Variants in GUK1 observed in about 807,000 individuals in gnomAD.
The protein encoded by GUK1 is guanylate kinase.
A neutral mutation model predicts 25.2 loss-of-function variants in GUK1; 18 were observed. That is an observed-to-expected ratio of 0.71 (90% CI 0.49 to 1.06). The LOEUF is 1.06. Ranked by LOEUF, GUK1 falls within the 50% of genes least tolerant of loss-of-function variation. The probability of loss-of-function intolerance (pLI) is 0.00; values close to 1 mark genes in which losing one functional copy is unlikely to be tolerated. For missense variants in GUK1, 261 were observed against 276.7 expected (o/e 0.94, Z 0.40); for synonymous variants, 105 against 117.6 (o/e 0.89, Z 0.69).
In GUK1 at chr1:228,148,692, G is replaced by A. The variant is rs368849741; in HGVS notation, c.589G>A (p.Ala197Thr). The A allele has an allele frequency of 3.1e-5, 49 of 1,602,358 alleles. No individual in the cohort carries two copies. Among genetic ancestry groups the A allele is most frequent in the African/African-American group, 5.3e-5 (4 of 74,858 alleles). ...AATCAAGAAAGCTCAAAGGACCGGC[G>A]CCTGAGGCTTGCTGTCTGTTCTCGG... The change falls in exon 9 of 9, where the codon GCC becomes ACC. Residue 197 changes from alanine (A) to threonine (T), a missense_variant. Coordinates refer to ENST00000312726, the MANE Select transcript of GUK1 (RefSeq NM_000858.7).
In GUK1 at chr1:228,147,703, A is replaced by G; in HGVS notation, c.475+4A>G. On this transcript the variant is annotated splice_donor_region_variant and intron_variant, in intron 7 of 8. Transcript: ENST00000312726. ...GCCCAGGCCGACATGGAGAGCAGTGAGTGTGCCGTGGGATCACCAGGGAAT... is the reference window on the plus strand; with the variant it reads ...GCCCAGGCCGACATGGAGAGCAGTGGGTGTGCCGTGGGATCACCAGGGAAT... The G allele has an allele frequency of 6.2e-7, 1 of 1,612,106 alleles. No individual in the cohort carries two copies. Among genetic ancestry groups the G allele is most frequent in the South Asian group, 1.1e-5 (1 of 91,044 alleles).
chr1:228,144,264 T>C (rs560072541), intron 2 of GUK1: 2 of 152,356 alleles, frequency 1.3e-5, no homozygotes, highest in African/African-American at 4.8e-5. Flanking sequence ...CATCCTCAGG[T>C]CCTTCCCACT....
chr1:228,143,641 G>A (rs1302626267), intron 2 of GUK1, among the ~76,000 whole-genome samples: 1 of 152,182 alleles, frequency 6.6e-6, no homozygotes, highest in East Asian at 1.9e-4. Flanking sequence ...GAGGTTGCAG[G>A]GCTCGCTGGC....
At position 228,148,574 on chromosome 1, in the gene GUK1, G is replaced by A. The variant is rs1197958014; in HGVS notation, c.562-91G>A. 4 of 1,381,422 alleles carry A rather than the reference G, an allele frequency of 2.9e-6. No homozygotes were observed. In the Admixed American group the frequency reaches 5.4e-5, roughly 19 times the overall value. 85.6% of individuals were successfully genotyped at this position (1,381,422 alleles called of 1,614,324 possible). On this transcript the variant is annotated intron_variant, in intron 8 of 8. Transcript: ENST00000312726. ...GACAGTCCTACCCAAGCACTGGCATGAGACACCGAGGTCCACGGTGGAGGG... is the reference window on the plus strand; with the variant it reads ...GACAGTCCTACCCAAGCACTGGCATAAGACACCGAGGTCCACGGTGGAGGG...
chr1:228,141,734 G>C (rs746066794), intron 2 of GUK1: 3 of 1,323,862 alleles, frequency 2.3e-6, no homozygotes, highest in Non-Finnish European at 1.0e-6. Context: ...TCCAGGGAGC[G>C]TTCTGGCAGA....
rs56285667 is a variant in GUK1, at chr1:228,142,480, C to T, written c.-3+1192C>T. 7.8e-3 allele frequency among the ~76,000 whole-genome samples: 1,187 copies of T among 152,058 alleles called. 11 individuals are homozygous for T. The highest frequency in any genetic ancestry group is 0.024 in the African/African-American group (1,006 of 41,494). ...GGCCCAGCCTCACCTCAATAGCTTA[C>T]TGCTCCCTCAGGAGGGAGGAGGGGA... On this transcript the variant is annotated intron_variant, in intron 2 of 8. Transcript: ENST00000312726.
chr1:228,140,468 C>A, intron 1 of GUK1, 105 bp downstream of exon 1: 3 of 796,888 alleles, frequency 3.8e-6, no homozygotes, highest in Non-Finnish European at 5.6e-6. Context: ...CTCCTCCTAG[C>A]CGAGACGCCC....
Position 228,141,168 on chromosome 1 carries a change from C to G in GUK1, c.-123C>G. On this transcript the variant is annotated 5_prime_UTR_variant, in exon 2 of 9. Transcript: ENST00000312726. The stretch of plus-strand genomic sequence containing the variant: ...TGGGGTTGCTGTCGAGGACCCTGTG[C>G]AAGACTCGGCCGGTTTTTCTTTCTC... 2.0e-6 allele frequency: 2 copies of G among 985,410 alleles called. No individual in the cohort carries two copies. Among genetic ancestry groups the G allele is most frequent in the Non-Finnish European group, 2.4e-6 (2 of 829,868 alleles). The allele number at this position is 985,410 out of a possible 1,614,324, so 61.0% of individuals were successfully genotyped here.
intron 2 of GUK1, among the ~76,000 whole-genome samples, chr1:228,144,127 AC>A (rs1220835733): frequency 6.6e-6 from 1 of 152,060 alleles, no homozygotes; most frequent in Non-Finnish European, 1.5e-5. Flanking sequence ...AGGTTTGTGC[AC>A]ACATCCTGCA....
intron 4 of GUK1, 45 bp from the exon 4 acceptor site, chr1:228,146,797 G>A (rs920895782): frequency 1.5e-6 from 2 of 1,341,516 alleles, no homozygotes; most frequent in Non-Finnish European, 2.1e-6. Context: ...GGGCACCCTG[G>A]TGCAGGTCCA....
upstream of GUK1, chr1:228,140,275 G>C (rs780533054): frequency 8.5e-6 from 13 of 1,528,318 alleles, no homozygotes; most frequent in Non-Finnish European, 1.1e-5. Context: ...TGTCACGTAG[G>C]TTCAGTGGGC....
At chr1:228,146,443 C>T in intron 4 of GUK1, 2 of 431,596 alleles carry the variant, frequency 4.6e-6, no homozygotes, top group Non-Finnish European at 8.4e-6. Context: ...GACCCCCTTC[C>T]CAACAGCACC....
Position 228,146,920 on chromosome 1 carries a change from G to C in GUK1, c.233G>C (p.Gly78Ala). The C allele has an allele frequency of 6.2e-7, 1 of 1,613,252 alleles. No homozygotes were observed. Among genetic ancestry groups the C allele is most frequent in the Admixed American group, 1.7e-5 (1 of 60,024 alleles). The change falls in exon 5 of 9, where the codon GGG becomes GCG. Residue 78 changes from glycine to alanine, a missense_variant. Gly to Ala is a moderately conservative substitution (Grantham distance 60). Transcript: ENST00000312726. ...TTCATCGAGCATGCCGAGTTCTCGG[G>C]GAACCTGTATGGCACGAGGTGGGCC...
intron 5 of GUK1, 98 bp downstream of exon 4, chr1:228,147,036 C>A: frequency 1.2e-6 from 1 of 841,896 alleles, no homozygotes; most frequent in Non-Finnish European, 2.1e-6. Context: ...CACCACCCAC[C>A]CCATGGTTAT....
chr1:228,147,567 G>A, intron 6 of GUK1, 23 bp downstream of exon 5: 1 of 1,613,108 alleles, frequency 6.2e-7, no homozygotes, highest in Non-Finnish European at 8.5e-7. Context: ...CAGGGTTGGG[G>A]GCTGGGGGCC....
At chr1:228,140,149 G>C (rs2033960921), upstream of GUK1, 1 of 638,958 alleles carries the variant, frequency 1.6e-6, no homozygotes, top group African/African-American at 1.9e-5. Context: ...CGGGGCTAGC[G>C]AGGCACTGAG....
rs1160806223 is a variant in GUK1 at position 228,140,377 on chromosome 1, G to A, written c.-168+14G>A. ...CCCCACCGGACGGTGAGTACGACAA[G>A]CGCGATCGCGAGGGTGACTCGGGTC... On this transcript the variant is annotated intron_variant, in intron 1 of 8. Transcript: ENST00000312726. The A allele has an allele frequency of 1.3e-6, 2 of 1,504,504 alleles. No homozygotes were observed. The highest frequency in any genetic ancestry group is 8.8e-7 in the Non-Finnish European group (1 of 1,133,674). 93.2% of individuals were successfully genotyped at this position (1,504,504 alleles called of 1,614,324 possible).
rs1265379206 is a variant in GUK1 at position 228,146,010 on chromosome 1, C to T, written c.113-16C>T. 1.2e-6 allele frequency: 2 copies of T among 1,602,780 alleles called. No homozygotes were observed. Among genetic ancestry groups the T allele is most frequent in the African/African-American group, 1.3e-5 (1 of 74,836 alleles). ...GCTCCGAGCAGCCCCCGATGGGTGA[C>T]AGGTCTCTCTGCTAGATACCACGAG... On this transcript the variant is annotated splice_polypyrimidine_tract_variant and intron_variant, in intron 3 of 8. Coordinates refer to ENST00000312726, the MANE Select transcript of GUK1 (RefSeq NM_000858.7).
chr1:228,145,321 G>T (rs995621695), intron 2 of GUK1, 190 bp from the exon 2 acceptor site: 2 of 535,006 alleles, frequency 3.7e-6, no homozygotes, highest in Non-Finnish European at 6.4e-6. Context: ...GGGCCGCCCT[G>T]TGCATGCCGG....
Sources: gnomAD v4.1 joint callset for allele counts (sites outside exome capture counted in the v4.1 genomes callset) on GRCh38, gnomAD v4.1.1 for gene constraint, MANE v1.5 for transcripts, NCBI Gene and HGNC (gene_info 2026-07-23, HGNC 2026-07-21) for gene names.